The following BRCC3 variants were observed in gnomAD, a reference collection of about 807,000 sequenced individuals.
The protein encoded by BRCC3 is BRCA1/BRCA2-containing complex subunit 3.
Under a neutral mutation model 28.0 loss-of-function variants are expected in BRCC3, and 15 were observed. That is an observed-to-expected ratio of 0.54 (90% CI 0.36 to 0.82). The LOEUF (loss-of-function observed/expected upper bound fraction) is 0.82, where lower values mean the gene tolerates loss of function less well. Ranked by LOEUF, BRCC3 falls within the 40% of genes least tolerant of loss-of-function variation. The pLI is 0.01. For missense variants in BRCC3, 109 were observed against 225.9 expected (o/e 0.48, Z 3.32); for synonymous variants, 66 against 80.3 (o/e 0.82, Z 0.95).
rs1309116730 is a variant in BRCC3, at chrX:155,121,782, GA to G, written c.*580del. Reference sequence around the variant, plus strand: ...GAAAAGATAAGCTACAGATTGAGATGAATTTGCAAACCATATATCTGATCAA... The same window carrying G: ...GAAAAGATAAGCTACAGATTGAGATGATTTGCAAACCATATATCTGATCAA... On this transcript the variant is annotated 3_prime_UTR_variant, in exon 11 of 11. Coordinates refer to ENST00000330045, the MANE Select transcript of BRCC3 (RefSeq NM_001018055.3). The G allele has an allele frequency of 1.8e-5, 2 of 111,804 alleles. No homozygotes were observed. Among genetic ancestry groups the G allele is most frequent in the Non-Finnish European group, 3.8e-5 (2 of 53,213 alleles). 9.2% of individuals were successfully genotyped at this position (111,804 alleles called of 1,213,427 possible).
At chrX:155,106,419 T>C (rs1280107684) in intron 7 of BRCC3, among the ~76,000 whole-genome samples, 1 of 112,222 alleles carries the variant, frequency 8.9e-6, no homozygotes, top group Non-Finnish European at 1.9e-5. Flanking sequence ...TCACACTCCA[T>C]CTGCAAATAC....
At chrX:155,099,164 A>G in intron 7 of BRCC3, 1 of 658,245 alleles carries the variant, frequency 1.5e-6, no homozygotes, top group East Asian at 4.4e-5. Context: ...AAAAATTTAA[A>G]TAAGAAATAA....
intron 3 of BRCC3, among the ~76,000 whole-genome samples, chrX:155,075,587 T>C (rs1338679787): frequency 9.0e-6 from 1 of 111,451 alleles, no homozygotes; most frequent in Non-Finnish European, 1.9e-5. Context: ...ACCTTGAAAC[T>C]TTAGAGTCCT....
chrX:155,086,541 T>A (rs2074130904), intron 5 of BRCC3, among the ~76,000 whole-genome samples: 1 of 107,462 alleles, frequency 9.3e-6, no homozygotes, highest in African/African-American at 3.4e-5. Context: ...GCATTTTGAG[T>A]AGAGAGGGAG....
At chrX:155,089,214 G>A in intron 5 of BRCC3, 49 bp from the exon 6 acceptor site, 1 of 865,112 alleles carries the variant, frequency 1.2e-6, no homozygotes, top group Non-Finnish European at 1.7e-6. Flanking sequence ...AATAAGCTGT[G>A]AGACACAGCT....
chrX:155,098,793 C>T (rs782278754), intron 7 of BRCC3, among the ~76,000 whole-genome samples: 6 of 112,253 alleles, frequency 5.3e-5, no homozygotes, highest in Admixed American at 4.7e-4. Flanking sequence ...CTTATATCCC[C>T]GTCAGAATAA....
intron 7 of BRCC3, among the ~76,000 whole-genome samples, chrX:155,098,604 G>T (rs2074226237): frequency 8.9e-6 from 1 of 112,157 alleles, no homozygotes; most frequent in Non-Finnish European, 1.9e-5. Context: ...TATTGTCTAT[G>T]ACCCCTTTCC....
At chrX:155,095,332 T>G (rs1254140531) in intron 7 of BRCC3, among the ~76,000 whole-genome samples, 1 of 111,750 alleles carries the variant, frequency 8.9e-6, no homozygotes, top group Non-Finnish European at 1.9e-5. Flanking sequence ...TGGAGTTTTG[T>G]TCTTGTCACC....
At chrX:155,097,979 C>G (rs917946929) in intron 7 of BRCC3, among the ~76,000 whole-genome samples, 7 of 109,178 alleles carry the variant, frequency 6.4e-5, no homozygotes, top group African/African-American at 2.3e-4. Context: ...GTCTCAAAAA[C>G]AAAAAAAAAG....
At chrX:155,087,961 G>A (rs1301236105) in intron 5 of BRCC3, among the ~76,000 whole-genome samples, 3 of 112,137 alleles carry the variant, frequency 2.7e-5, no homozygotes, top group African/African-American at 9.7e-5. Flanking sequence ...TGAGAGAAGC[G>A]ATGATGTTTA....
chrX:155,093,099 G>A (rs1476575991), intron 7 of BRCC3, among the ~76,000 whole-genome samples: 1 of 110,469 alleles, frequency 9.1e-6, no homozygotes, highest in Non-Finnish European at 1.9e-5. Context: ...TATTCTTGAT[G>A]TGAAATTTTC....
chrX:155,096,689 C>T (rs1207292530), intron 7 of BRCC3, among the ~76,000 whole-genome samples: 1 of 111,999 alleles, frequency 8.9e-6, no homozygotes, highest in Non-Finnish European at 1.9e-5. Context: ...ACAAAAGTTC[C>T]TGAATAGCCA....
intron 5 of BRCC3, among the ~76,000 whole-genome samples, chrX:155,088,197 A>T (rs1300244586): frequency 1.8e-5 from 2 of 112,136 alleles, no homozygotes; most frequent in Non-Finnish European, 3.8e-5. Flanking sequence ...AAAGGTATAC[A>T]CACAAAGAAT....
At chrX:155,086,800 C>G (rs972945949) in intron 5 of BRCC3, among the ~76,000 whole-genome samples, 1 of 111,968 alleles carries the variant, frequency 8.9e-6, no homozygotes, top group African/African-American at 3.2e-5. Context: ...TATAGCTGAT[C>G]GTCAAAAACA....
chrX:155,080,983 A>G (rs1259629872), intron 5 of BRCC3, among the ~76,000 whole-genome samples: 1 of 111,764 alleles, frequency 8.9e-6, no homozygotes, highest in African/African-American at 3.3e-5. Flanking sequence ...ACAATATTCA[A>G]AGGATTAACA....
intron 2 of BRCC3, among the ~76,000 whole-genome samples, chrX:155,072,948 G>A (rs1253653622): frequency 1.8e-5 from 2 of 111,691 alleles, no homozygotes; most frequent in African/African-American, 6.5e-5. Context: ...ACGTTTAGAG[G>A]CATTTCCCCA....
intron 7 of BRCC3, among the ~76,000 whole-genome samples, chrX:155,105,205 G>A (rs943697493): frequency 2.7e-5 from 3 of 112,046 alleles, no homozygotes; most frequent in Admixed American, 9.4e-5. Context: ...TGTGTTAGGT[G>A]GGCACAGTGG....
rs1557293423 is a variant in BRCC3 at position 155,075,328 on chromosome X, G to T, written c.196-1842G>T. ...CTTGTTCTTCCCCACACTAAATGTG[G>T]CCACTCCCCTTGATTCAGGCCAAGA... On this transcript the variant is annotated intron_variant, in intron 3 of 10. Coordinates refer to ENST00000330045, the MANE Select transcript of BRCC3 (RefSeq NM_001018055.3). Among the ~76,000 whole-genome samples the T allele has an allele frequency of 6.6e-4, 35 of 53,035 alleles. 1 individual carries two copies. Among genetic ancestry groups the T allele is most frequent in the Admixed American group, 5.1e-3 (26 of 5,098 alleles). 46.1% of individuals were successfully genotyped at this position (53,035 alleles called of 115,157 possible). A position where few individuals can be genotyped will look rare whatever the true frequency, so the allele number is the denominator to read the frequency against.
chrX:155,082,517 C>A (rs2074091856), intron 5 of BRCC3, among the ~76,000 whole-genome samples: 1 of 111,924 alleles, frequency 8.9e-6, no homozygotes, highest in South Asian at 3.7e-4. Context: ...TATGAAGAAC[C>A]AGATGCAACA....
Sources: gnomAD v4.1 joint callset for allele counts (sites outside exome capture counted in the v4.1 genomes callset) on GRCh38, gnomAD v4.1.1 for gene constraint, MANE v1.5 for transcripts, NCBI Gene and HGNC (gene_info 2026-07-23, HGNC 2026-07-21) for gene names.